Variants in MDGA2 observed in about 807,000 individuals in gnomAD.
MDGA2 encodes MAM domain-containing glycosylphosphatidylinositol anchor protein 2.
In MDGA2, 40 loss-of-function variants were observed where a neutral mutation model predicts 117.8. That is an observed-to-expected ratio of 0.34 (90% CI 0.26 to 0.44). The LOEUF is 0.44. Ranked by LOEUF, MDGA2 falls within the 20% of genes least tolerant of loss-of-function variation. MDGA2 has a pLI of 1.00. For synonymous variants in MDGA2, 452 were observed against 439.0 expected, an observed-to-expected ratio of 1.03 and a Z score of -0.37; for missense variants, 1,123 against 1,250.6, an observed-to-expected ratio of 0.90 and a Z score of 1.54.
intron 6 of MDGA2, among the ~76,000 whole-genome samples, chr14:47,080,049 T>C (rs1890652406): frequency 6.6e-6 from 1 of 152,124 alleles, no homozygotes; most frequent in South Asian, 2.1e-4. Context: ...TAATTTCTAT[T>C]TGCAGTCCAC....
chr14:47,238,470 C>T (rs1385485520), intron 2 of MDGA2, among the ~76,000 whole-genome samples: 1 of 147,180 alleles, frequency 6.8e-6, no homozygotes, highest in Non-Finnish European at 1.5e-5. Flanking sequence ...CTCGGTAATG[C>T]CCCCATGTAA....
chr14:46,895,306 A>G (rs924568283), intron 10 of MDGA2, among the ~76,000 whole-genome samples: 4 of 152,166 alleles, frequency 2.6e-5, no homozygotes, highest in African/African-American at 9.6e-5. Context: ...CCCCTTTGCT[A>G]GGCACTTTTC....
intron 3 of MDGA2, among the ~76,000 whole-genome samples, chr14:47,187,917 T>TTGTGTGTG (rs34044843): frequency 4.7e-5 from 7 of 148,752 alleles, no homozygotes; most frequent in Admixed American, 6.7e-5. Flanking sequence ...TTAAAGTAGG[T>TTGTGTGTG]TGTGTGTGTG....
chr14:47,596,316 C>A (rs1896541443), intron 1 of MDGA2, among the ~76,000 whole-genome samples: 2 of 152,156 alleles, frequency 1.3e-5, no homozygotes, highest in South Asian at 4.1e-4. Flanking sequence ...TAACTTTAAG[C>A]ATTTGACTCA....
At chr14:47,418,927 A>G (rs1241327939) in intron 1 of MDGA2, among the ~76,000 whole-genome samples, 3 of 152,196 alleles carry the variant, frequency 2.0e-5, no homozygotes, top group Admixed American at 6.5e-5. Context: ...TCTGGTGACA[A>G]AAAGTGGAAT....
At chr14:47,626,954 T>C (rs1897156951) in intron 1 of MDGA2, among the ~76,000 whole-genome samples, 1 of 152,216 alleles carries the variant, frequency 6.6e-6, no homozygotes, top group Non-Finnish European at 1.5e-5. Context: ...ACTGGGTGAA[T>C]TCAGCTGGGC....
At chr14:47,348,223 T>C (rs1005167184) in intron 1 of MDGA2, among the ~76,000 whole-genome samples, 10 of 151,580 alleles carry the variant, frequency 6.6e-5, no homozygotes, top group East Asian at 5.8e-4. Flanking sequence ...CTTAAATTTT[T>C]TTTTTTTTTT....
intron 1 of MDGA2, among the ~76,000 whole-genome samples, chr14:47,315,217 G>C (rs978207950): frequency 2.6e-5 from 4 of 152,044 alleles, no homozygotes; most frequent in Non-Finnish European, 5.9e-5. Context: ...TCTTAATCCA[G>C]ATGGATAAAG....
intron 3 of MDGA2, among the ~76,000 whole-genome samples, chr14:47,187,037 CAT>C (rs762227937): frequency 9.2e-5 from 14 of 152,014 alleles, no homozygotes; most frequent in South Asian, 2.1e-4. Context: ...GCTATTTACA[CAT>C]GTTATTATTT....
chr14:47,169,390 T>C (rs185041293), intron 3 of MDGA2, among the ~76,000 whole-genome samples: 3 of 151,878 alleles, frequency 2.0e-5, no homozygotes, highest in African/African-American at 7.2e-5. Flanking sequence ...TATATATATG[T>C]ATATATATAA....
chr14:47,133,718 C>T (rs1882319398), intron 4 of MDGA2, among the ~76,000 whole-genome samples: 1 of 151,914 alleles, frequency 6.6e-6, no homozygotes, highest in South Asian at 2.1e-4. Flanking sequence ...AAATATATTC[C>T]TTTAAACCTA....
chr14:47,373,978 A>G (rs1438862035), intron 1 of MDGA2, among the ~76,000 whole-genome samples: 1 of 152,082 alleles, frequency 6.6e-6, no homozygotes, highest in Non-Finnish European at 1.5e-5. Context: ...TATAAATAAA[A>G]TTTCCTGTTA....
At chr14:47,669,466 G>C (rs748337285) in intron 1 of MDGA2, among the ~76,000 whole-genome samples, 8 of 152,134 alleles carry the variant, frequency 5.3e-5, no homozygotes, top group Admixed American at 1.3e-4. Context: ...AATCCACTTA[G>C]GGGCTTTCCC....
intron 1 of MDGA2, among the ~76,000 whole-genome samples, chr14:47,541,424 T>G (rs1895350369): frequency 6.6e-6 from 1 of 152,230 alleles, no homozygotes; most frequent in Non-Finnish European, 1.5e-5. Flanking sequence ...TTGGGGTATA[T>G]TAATTTAATT....
chr14:46,918,092 G>A (rs1025667172), intron 10 of MDGA2, among the ~76,000 whole-genome samples: 1 of 152,122 alleles, frequency 6.6e-6, no homozygotes, highest in African/African-American at 2.4e-5. Context: ...CTAGTAATGG[G>A]AAGTTACCCA....
intron 1 of MDGA2, among the ~76,000 whole-genome samples, chr14:47,340,555 G>A (rs1049071019): frequency 2.6e-5 from 4 of 152,154 alleles, no homozygotes; most frequent in African/African-American, 9.6e-5. Context: ...TGATACTGGT[G>A]GCACTGTCAC....
At position 46,991,528 on chromosome 14, in the gene MDGA2, T is replaced by G. The variant is rs1887093404; in HGVS notation, c.1820-33885A>C. On this transcript the variant is annotated intron_variant, in intron 8 of 16. Transcript: ENST00000399232. ...TTTAGTCATCTATGGCTTGGACATT[T>G]AAATTATTTGGAAATTTTATATCTA... Among the ~76,000 whole-genome samples, 3 of 152,132 alleles carry G rather than the reference T, an allele frequency of 2.0e-5. No homozygotes were observed. In the South Asian group the frequency reaches 6.2e-4, roughly 31 times the overall value.
intron 1 of MDGA2, among the ~76,000 whole-genome samples, chr14:47,561,593 C>T (rs932380798): frequency 2.0e-5 from 3 of 152,142 alleles, no homozygotes; most frequent in African/African-American, 2.4e-5. Flanking sequence ...TGAAACTTTG[C>T]TGAAGTTGTT....
intron 6 of MDGA2, among the ~76,000 whole-genome samples, chr14:47,095,280 G>T (rs950912115): frequency 1.3e-5 from 2 of 151,878 alleles, no homozygotes; most frequent in East Asian, 3.9e-4. Context: ...ATCATGACCT[G>T]ACTTAAAATA....
Sources: gnomAD v4.1 joint callset for allele counts (sites outside exome capture counted in the v4.1 genomes callset) on GRCh38, gnomAD v4.1.1 for gene constraint, MANE v1.5 for transcripts, NCBI Gene and HGNC (gene_info 2026-07-23, HGNC 2026-07-21) for gene names.